FILIP1: variants seen among roughly 807,000 people sequenced by gnomAD.
FILIP1 encodes filamin A interacting protein 1.
In FILIP1, 61 loss-of-function variants were observed where a neutral mutation model predicts 102.1. That is an observed-to-expected ratio of 0.60 (90% confidence interval 0.49 to 0.74). The LOEUF (loss-of-function observed/expected upper bound fraction) is 0.74, where lower values mean the gene tolerates loss of function less well. Ranked by LOEUF, FILIP1 falls within the 30% of genes least tolerant of loss-of-function variation. FILIP1 has a pLI of 0.00. For synonymous variants in FILIP1, 491 were observed against 526.9 expected, an observed-to-expected ratio of 0.93 and a Z score of 0.93; for missense variants, 1,314 against 1,441.2, an observed-to-expected ratio of 0.91 and a Z score of 1.43.
intron 1 of FILIP1, among the ~76,000 whole-genome samples, chr6:75,472,018 TA>T (rs1300933205): frequency 6.6e-6 from 1 of 152,134 alleles, no homozygotes; most frequent in African/African-American, 2.4e-5. Context: ...ACTCTATTAC[TA>T]ACGTAATTTA....
At chr6:75,395,810 C>T (rs746525810) in intron 2 of FILIP1, among the ~76,000 whole-genome samples, 9 of 152,132 alleles carry the variant, frequency 5.9e-5, no homozygotes, top group Non-Finnish European at 1.3e-4. Flanking sequence ...CTGGACAGAA[C>T]GGAAGTTCTC....
At chr6:75,312,007 C>T (rs1026195006) in intron 5 of FILIP1, among the ~76,000 whole-genome samples, 7 of 152,018 alleles carry the variant, frequency 4.6e-5, no homozygotes, top group Non-Finnish European at 1.0e-4. Context: ...GAAACATAAC[C>T]TAGGAGCAAT....
chr6:75,356,133 C>T lies in FILIP1; in HGVS notation c.451-2416G>A, dbSNP rs143204863. The stretch of plus-strand genomic sequence containing the variant: ...CATATTTAAAATCAGTTCTCAATCT[C>T]ACAACCAACTTTCTGAAACCCCACG... On this transcript the variant is annotated intron_variant, in intron 3 of 5. Transcript: ENST00000237172. 2.3e-3 allele frequency among the ~76,000 whole-genome samples: 350 copies of T among 152,338 alleles called. 2 individuals carry two copies. The highest frequency in any genetic ancestry group is 8.1e-3 in the African/African-American group (336 of 41,586).
At chr6:75,403,524 A>AAAAAAAAAAAAAAAG (rs55907855) in intron 2 of FILIP1, among the ~76,000 whole-genome samples, 21 of 134,714 alleles carry the variant, frequency 1.6e-4, no homozygotes, top group East Asian at 2.1e-4. Flanking sequence ...CAAAAAAAAA[A>AAAAAAAAAAAAAAAG]AAAAAAGAAA....
At chr6:75,390,939 C>G (rs1413645395) in intron 2 of FILIP1, among the ~76,000 whole-genome samples, 1 of 151,984 alleles carries the variant, frequency 6.6e-6, no homozygotes, top group Non-Finnish European at 1.5e-5. Flanking sequence ...CCCTGAACTT[C>G]TCTCCTCTCA....
At chr6:75,407,208 G>A (rs562970519) in intron 2 of FILIP1, among the ~76,000 whole-genome samples, 13 of 152,018 alleles carry the variant, frequency 8.6e-5, no homozygotes, top group South Asian at 4.2e-4. Flanking sequence ...ATCCACAGAC[G>A]AATTATCTAT....
intron 1 of FILIP1, among the ~76,000 whole-genome samples, chr6:75,460,167 A>T (rs900119539): frequency 6.6e-6 from 1 of 152,210 alleles, no homozygotes; most frequent in Non-Finnish European, 1.5e-5. Flanking sequence ...TCCTTCAGGA[A>T]TTTAGTGCGG....
chr6:75,362,686 T>C, intron 3 of FILIP1, 58 bp downstream of exon 3: 1 of 1,536,324 alleles, frequency 6.5e-7, no homozygotes, highest in Admixed American at 1.8e-5. Context: ...AATGGAAGAA[T>C]GTGAAGATAT....
Position 75,313,220 on chromosome 6 carries a change from G to A in FILIP1, c.2612C>T (p.Pro871Leu). The A allele has an allele frequency of 6.2e-7, 1 of 1,614,076 alleles. No individual in the cohort carries two copies. Residue 871 changes from proline to leucine, a missense_variant, in exon 5 of 6, where the codon CCA (proline) becomes CTA (leucine). Transcript: ENST00000237172. This position sits in a 1 kb window ranked among gnomAD's most constrained non-coding sequence, Gnocchi z 4.2. ...NELTMRKSWI[P>L]WMRKRENGPS... ...GCCGTTTTCCCTCTTTCTCATCCATGGAATCCAAGACTTTCTCATAGTGAG... is the reference window on the plus strand; with the variant it reads ...GCCGTTTTCCCTCTTTCTCATCCATAGAATCCAAGACTTTCTCATAGTGAG...
intron 6 of FILIP1, chr6:75,296,831 C>T (rs907287497): frequency 2.0e-5 from 3 of 152,028 alleles, no homozygotes; most frequent in Non-Finnish European, 4.4e-5. Flanking sequence ...TTACAACAGT[C>T]CAGCACATTA....
chr6:75,478,485 C>T (rs1221991563), intron 1 of FILIP1, among the ~76,000 whole-genome samples: 4 of 152,176 alleles, frequency 2.6e-5, no homozygotes, highest in African/African-American at 9.6e-5. Context: ...AGCCTCTCTC[C>T]ATCCCCTGGA....
rs1020607553 is a variant in FILIP1 at position 75,435,573 on chromosome 6, T to C, written c.-6-20595A>G. Among the ~76,000 whole-genome samples the C allele has an allele frequency of 2.6e-5, 4 of 152,170 alleles. No homozygotes were observed. In the South Asian group the frequency reaches 8.3e-4, roughly 32 times the overall value. On this transcript the variant is annotated intron_variant, in intron 1 of 5. Transcript: ENST00000237172. ...AAAATTATGGCCTCTCAAACTCTGC[T>C]CCCACCCATGATGGGGGACCAAGAG...
chr6:75,300,267 C>T (rs1772802017), intron 6 of FILIP1, among the ~76,000 whole-genome samples: 1 of 152,192 alleles, frequency 6.6e-6, no homozygotes, highest in African/African-American at 2.4e-5. Flanking sequence ...GCTTTATCCA[C>T]AGGAAGCTGT....
rs184627709 is a variant in FILIP1 at position 75,415,231 on chromosome 6, A to T, written c.-6-253T>A. Among the ~76,000 whole-genome samples, 21 of 152,230 alleles carry T rather than the reference A, an allele frequency of 1.4e-4. No individual in the cohort carries two copies. In the East Asian group the frequency reaches 4.0e-3, roughly 29 times the overall value. On this transcript the variant is annotated intron_variant, in intron 1 of 5. Coordinates refer to ENST00000237172, the MANE Select transcript of FILIP1 (RefSeq NM_015687.5). ...AATAGTGCTAAGTCATATTGCTGTT[A>T]CATAGCCCCCATAATAATATATCAA...
chr6:75,393,049 AT>A (rs1776334011), intron 2 of FILIP1, among the ~76,000 whole-genome samples: 1 of 152,144 alleles, frequency 6.6e-6, no homozygotes. Context: ...CCAAGTCACC[AT>A]TATCTCTTGT....
At position 75,314,371 on chromosome 6, in the gene FILIP1, CA is replaced by C; in HGVS notation, c.1460del (p.Leu487TrpfsTer6). The C allele has an allele frequency of 6.6e-7, 1 of 1,519,500 alleles. No individual in the cohort carries two copies. The highest frequency in any genetic ancestry group is 8.8e-7 in the Non-Finnish European group (1 of 1,142,436). The allele number at this position is 1,519,500 out of a possible 1,614,324, so 94.1% of individuals were successfully genotyped here. A position where few individuals can be genotyped will look rare whatever the true frequency, so the allele number is the denominator to read the frequency against. ...VKELECSESR[L>X]EKAELSLKDD... is the part of the protein sequence containing the mutation. ...CTTTTAGGCTTAATTCAGCCTTTTC[CA>C]ATCTACTTTCAGAACATTCCAATTC... On this transcript the variant is annotated frameshift_variant, in exon 5 of 6. Coordinates refer to ENST00000237172, the MANE Select transcript of FILIP1 (RefSeq NM_015687.5). LOFTEE classifies it high-confidence loss of function.
At chr6:75,430,536 C>A (rs1022875519) in intron 1 of FILIP1, among the ~76,000 whole-genome samples, 1 of 151,856 alleles carries the variant, frequency 6.6e-6, no homozygotes, top group South Asian at 2.1e-4. Context: ...TAAAAGACAT[C>A]ATAAATATAT....
intron 4 of FILIP1, among the ~76,000 whole-genome samples, chr6:75,321,561 G>A (rs1263425119): frequency 6.6e-6 from 1 of 152,172 alleles, no homozygotes; most frequent in African/African-American, 2.4e-5. Context: ...TTGGGAGGCC[G>A]AGGCGGGTGG....
At position 75,401,844 on chromosome 6, in the gene FILIP1, C is replaced by G. The variant is rs147822318; in HGVS notation, c.276+12853G>C. On this transcript the variant is annotated intron_variant, in intron 2 of 5. Transcript: ENST00000237172. ...TTCTCATACCAGTTATCTGTACAAA[C>G]TAATTTTACTTGAAAATGCTCCATG... 5.9e-5 allele frequency among the ~76,000 whole-genome samples: 9 copies of G among 152,266 alleles called. No homozygotes were observed. In the East Asian group the frequency reaches 1.5e-3, roughly 26 times the overall value.
Sources: gnomAD v4.1 joint callset for allele counts (sites outside exome capture counted in the v4.1 genomes callset) on GRCh38, gnomAD v4.1.1 for gene constraint, Gnocchi (gnomAD v3.1) non-coding constraint, MANE v1.5 for transcripts, NCBI Gene and HGNC (gene_info 2026-07-23, HGNC 2026-07-21) for gene names.